Variants in F13A1 observed in about 807,000 individuals in gnomAD.
The protein encoded by F13A1 is coagulation factor XIII A chain, also known as FSF, A subunit.
Under a neutral mutation model 80.1 loss-of-function variants are expected in F13A1, and 47 were observed. The observed-to-expected ratio is 0.59, with a 90% confidence interval of 0.46 to 0.75. F13A1 has a LOEUF of 0.75. Ranked by LOEUF, F13A1 falls within the 30% of genes least tolerant of loss-of-function variation. The probability of loss-of-function intolerance (pLI) is 0.00; values close to 1 mark genes in which losing one functional copy is unlikely to be tolerated. For synonymous variants in F13A1, 349 were observed against 344.9 expected (o/e 1.01, Z -0.13); for missense variants, 817 against 930.4 (o/e 0.88, Z 1.59).
At chr6:6,164,850 C>T (rs890720686) in intron 13 of F13A1, among the ~76,000 whole-genome samples, 1 of 151,256 alleles carries the variant, frequency 6.6e-6, no homozygotes, top group Non-Finnish European at 1.5e-5. Flanking sequence ...CTTCCCCTCC[C>T]TCCTTCCCTC....
At chr6:6,259,717 A>G (rs1391367115) in intron 4 of F13A1, among the ~76,000 whole-genome samples, 1 of 152,188 alleles carries the variant, frequency 6.6e-6, no homozygotes, top group African/African-American at 2.4e-5. Flanking sequence ...CAACACAGCA[A>G]ACATTTATTA....
intron 6 of F13A1, among the ~76,000 whole-genome samples, chr6:6,240,824 CTCATTCA>C (rs1757474659): frequency 6.6e-6 from 1 of 152,118 alleles, no homozygotes. Context: ...GTCTGTACCT[CTCATTCA>C]TCATTGAATT....
rs1160855794 is a variant in F13A1, at chr6:6,184,626, C to T, written c.1306-2485G>A. On this transcript the variant is annotated intron_variant, in intron 10 of 14. Transcript: ENST00000264870. ...AAGCCATGTAAGTACAAACAGCGAC[C>T]CCCTCTACTTTCAAATCGTAGCAAC... is the stretch of plus-strand genomic sequence containing the variant. 3.3e-5 allele frequency among the ~76,000 whole-genome samples: 5 copies of T among 152,140 alleles called. No homozygotes were observed. The East Asian group carries it at 5.8e-4, about 18-fold the overall frequency.
At position 6,251,380 on chromosome 6, in the gene F13A1, G is replaced by A. The variant is rs60024338; in HGVS notation, c.572-451C>T. On this transcript the variant is annotated intron_variant, in intron 4 of 14. Coordinates refer to ENST00000264870, the MANE Select transcript of F13A1 (RefSeq NM_000129.4). Reference sequence around the variant, plus strand: ...ATCTGGGACACGTGAGAAGGCCCACGTGTCATGTCTGTTTTGTGGCCCATC... The same window carrying A: ...ATCTGGGACACGTGAGAAGGCCCACATGTCATGTCTGTTTTGTGGCCCATC... Among the ~76,000 whole-genome samples, 14 of 147,394 alleles carry A rather than the reference G, an allele frequency of 9.5e-5. 1 individual carries two copies. The South Asian group carries it at 2.6e-3, about 27-fold the overall frequency.
chr6:6,248,564 A>C, intron 5 of F13A1, 145 bp from the exon 6 acceptor site: 1 of 696,154 alleles, frequency 1.4e-6, no homozygotes, highest in Non-Finnish European at 2.5e-6. Context: ...TTTAGTATGA[A>C]ATATTAAAGT....
At chr6:6,271,687 C>T (rs2113130486) in intron 3 of F13A1, among the ~76,000 whole-genome samples, 1 of 152,314 alleles carries the variant, frequency 6.6e-6, no homozygotes, top group South Asian at 2.1e-4. Context: ...CATTTTTTCA[C>T]ACTTATCAAA....
At chr6:6,155,689 C>G (rs932861688) in intron 13 of F13A1, among the ~76,000 whole-genome samples, 2 of 152,112 alleles carry the variant, frequency 1.3e-5, no homozygotes, top group Admixed American at 6.5e-5. Flanking sequence ...GGAGGTGTCT[C>G]CCTCTCCTTG....
intron 3 of F13A1, 199 bp downstream of exon 3, chr6:6,305,152 T>C (rs947411997): frequency 1.8e-5 from 12 of 654,328 alleles, no homozygotes; most frequent in Admixed American, 7.3e-5. Flanking sequence ...GATTTTCTCC[T>C]TGGGTGGGCC....
At chr6:6,264,839 T>A (rs1474538867) in intron 4 of F13A1, among the ~76,000 whole-genome samples, 1 of 152,228 alleles carries the variant, frequency 6.6e-6, no homozygotes, top group Admixed American at 6.5e-5. Context: ...CAGTTAACAT[T>A]TCCTGTTACC....
chr6:6,206,998 G>A (rs1051391245), intron 8 of F13A1, among the ~76,000 whole-genome samples: 1 of 151,894 alleles, frequency 6.6e-6, no homozygotes, highest in Admixed American at 6.6e-5. Context: ...CCTCCATAGA[G>A]CAATGAGAAC....
intron 6 of F13A1, among the ~76,000 whole-genome samples, chr6:6,239,771 T>TACCAC (rs1277292072): frequency 6.6e-6 from 1 of 152,122 alleles, no homozygotes; most frequent in Non-Finnish European, 1.5e-5. Context: ...TTCATTGCCA[T>TACCAC]ACCACTGCTG....
intron 14 of F13A1, among the ~76,000 whole-genome samples, chr6:6,146,574 T>C (rs1391443940): frequency 6.6e-6 from 1 of 152,178 alleles, no homozygotes; most frequent in Admixed American, 6.5e-5. Flanking sequence ...GCTTCACATA[T>C]AGCCTCCCCT....
At chr6:6,271,611 T>C (rs905833629) in intron 3 of F13A1, among the ~76,000 whole-genome samples, 7 of 152,344 alleles carry the variant, frequency 4.6e-5, no homozygotes, top group Non-Finnish European at 1.0e-4. Flanking sequence ...TCCCGTTTTG[T>C]TTTTAATAAT....
chr6:6,250,934 A>C lies in F13A1; in HGVS notation c.572-5T>G. 3 of 1,581,356 alleles carry C rather than the reference A, an allele frequency of 1.9e-6. No individual in the cohort carries two copies. The highest frequency in any genetic ancestry group is 2.6e-6 in the Non-Finnish European group (3 of 1,150,990). On this transcript the variant is annotated splice_region_variant and splice_polypyrimidine_tract_variant and intron_variant, in intron 4 of 14. Transcript: ENST00000264870. The surrounding 1 kb of genome is among the most constrained non-coding windows in gnomAD (Gnocchi z 4.2). ...TGTCCAGATACACAGCATCATCTGC[A>C]TCAGGGTTTAAACATAGTGACTATT...
rs556749971 is a variant in F13A1 at position 6,164,713 on chromosome 6, T to TCC, written c.1908+2743_1908+2744dup. On this transcript the variant is annotated intron_variant, in intron 13 of 14. Transcript: ENST00000264870. ...TCCTCTTCTCTTCTGTTCTCTCCTC[T>TCC]CCCCTCCTGTGCCTTCCTCTTTTCT... is the stretch of plus-strand genomic sequence containing the variant. 6.7e-4 allele frequency among the ~76,000 whole-genome samples: 101 copies of TCC among 150,210 alleles called. No individual in the cohort carries two copies. The South Asian group carries it at 0.021, about 31-fold the overall frequency.
chr6:6,211,221 A>C (rs547067620), intron 8 of F13A1, among the ~76,000 whole-genome samples: 7 of 152,374 alleles, frequency 4.6e-5, no homozygotes, highest in Admixed American at 4.6e-4. Context: ...CATTGCAAAA[A>C]AAAGTATTTT....
chr6:6,277,215 G>A lies in F13A1; in HGVS notation c.320-10406C>T, dbSNP rs1284136694. ...GCCGGGCGTAGTGGCGGGCGCCTGT[G>A]GTCCCAGCTACTTGGGAGGCTGAGG... is the stretch of plus-strand genomic sequence containing the variant. On this transcript the variant is annotated intron_variant, in intron 3 of 14. Transcript: ENST00000264870. Among the ~76,000 whole-genome samples, 3 of 19,472 alleles carry A rather than the reference G, an allele frequency of 1.5e-4. 1 individual carries two copies. Among genetic ancestry groups the A allele is most frequent in the Non-Finnish European group, 2.9e-4 (3 of 10,526 alleles). 12.8% of individuals were successfully genotyped at this position (19,472 alleles called of 152,430 possible).
At chr6:6,154,161 A>T (rs1208280371) in intron 13 of F13A1, among the ~76,000 whole-genome samples, 1 of 138,802 alleles carries the variant, frequency 7.2e-6, no homozygotes, top group Non-Finnish European at 1.6e-5. Flanking sequence ...AAAAAAAAAA[A>T]CGGCAGTCAG....
chr6:6,176,692 C>A (rs1276874203), intron 11 of F13A1, among the ~76,000 whole-genome samples: 1 of 152,166 alleles, frequency 6.6e-6, no homozygotes, highest in Non-Finnish European at 1.5e-5. Flanking sequence ...GCAGTGAAAT[C>A]TTTTAGCAGA....
Sources: gnomAD v4.1 joint callset for allele counts (sites outside exome capture counted in the v4.1 genomes callset) on GRCh38, gnomAD v4.1.1 for gene constraint, Gnocchi (gnomAD v3.1) non-coding constraint, MANE v1.5 for transcripts, NCBI Gene and HGNC (gene_info 2026-07-23, HGNC 2026-07-21) for gene names.